Variants in ZNF626 observed in about 807,000 individuals in gnomAD.
The protein encoded by ZNF626 is CTC-513N18.7.
ZNF626 carries 4 observed loss-of-function variants against 11.7 expected under a neutral mutation model. The observed-to-expected ratio is 0.34, with a 90% CI of 0.17 to 0.78. ZNF626 has a LOEUF of 0.78. Ranked by LOEUF, ZNF626 falls within the 30% of genes least tolerant of loss-of-function variation. ZNF626 has a pLI of 0.57. For missense variants in ZNF626, 588 were observed against 587.1 expected, an observed-to-expected ratio of 1.00 and a Z score of -0.01; for synonymous variants, 179 against 198.6, an observed-to-expected ratio of 0.90 and a Z score of 0.83.
intron 3 of ZNF626, chr19:20,644,817 T>C (rs1168370288): frequency 6.6e-6 from 1 of 152,094 alleles, no homozygotes; most frequent in Non-Finnish European, 1.5e-5. Context: ...AGTATATCTA[T>C]GGTTTCATAC....
At chr19:20,657,098 G>A (rs996867677) in intron 1 of ZNF626, among the ~76,000 whole-genome samples, 16 of 152,168 alleles carry the variant, frequency 1.1e-4, no homozygotes, top group Non-Finnish European at 2.1e-4. Context: ...GGTCAGATGC[G>A]GTGGCTCATG....
At chr19:20,637,960 CA>C (rs1207563306) in intron 3 of ZNF626, among the ~76,000 whole-genome samples, 2 of 148,980 alleles carry the variant, frequency 1.3e-5, no homozygotes, top group African/African-American at 2.5e-5. Flanking sequence ...GGCAACATGG[CA>C]AAACTCTGTC....
intron 3 of ZNF626, among the ~76,000 whole-genome samples, chr19:20,630,387 C>G (rs868936286): frequency 6.7e-6 from 1 of 150,206 alleles, no homozygotes; most frequent in Non-Finnish European, 1.5e-5. Flanking sequence ...TGGTAGAATT[C>G]GGCTGTGAAT....
chr19:20,627,029 T>A (rs564415774), intron 3 of ZNF626, among the ~76,000 whole-genome samples: 87 of 114,868 alleles, frequency 7.6e-4, no homozygotes, highest in African/African-American at 2.7e-3. Flanking sequence ...AAAAACTAAC[T>A]AAATAAATAA....
intron 3 of ZNF626, among the ~76,000 whole-genome samples, chr19:20,635,832 G>T (rs1167167563): frequency 3.3e-5 from 5 of 151,994 alleles, no homozygotes; most frequent in African/African-American, 1.2e-4. Context: ...ACCTAGACAG[G>T]ATTAAAAAAA....
At chr19:20,650,998 C>T (rs1555772544) in intron 1 of ZNF626, among the ~76,000 whole-genome samples, 8 of 151,914 alleles carry the variant, frequency 5.3e-5, no homozygotes. Context: ...ACCAGACTAA[C>T]CAAGATTTTG....
intron 1 of ZNF626, among the ~76,000 whole-genome samples, chr19:20,655,539 C>T (rs782411854): frequency 2.0e-5 from 3 of 152,042 alleles, no homozygotes; most frequent in Non-Finnish European, 4.4e-5. Context: ...GAAAAAATGA[C>T]AAAACTTTTA....
At chr19:20,652,143 T>G (rs547137589) in intron 1 of ZNF626, among the ~76,000 whole-genome samples, 1 of 152,324 alleles carries the variant, frequency 6.6e-6, no homozygotes, top group South Asian at 2.1e-4. Flanking sequence ...GGTCCTTTTT[T>G]GTAAATCCCA....
intron 1 of ZNF626, among the ~76,000 whole-genome samples, chr19:20,658,759 G>T (rs150915007): frequency 5.1e-4 from 78 of 152,182 alleles, no homozygotes; most frequent in African/African-American, 1.5e-3. Context: ...ACCACCTAGA[G>T]ACAGCACAGA....
intron 3 of ZNF626, among the ~76,000 whole-genome samples, chr19:20,640,658 G>GAA (rs35302204): frequency 0.015 from 2,174 of 143,516 alleles, 41 homozygotes; most frequent in African/African-American, 0.043. Context: ...ATAGAGAAAT[G>GAA]AAAAAAAAAA....
intron 1 of ZNF626, among the ~76,000 whole-genome samples, chr19:20,659,959 A>C (rs274801): frequency 0.51 from 77,012 of 151,688 alleles, 22,484 homozygotes; most frequent in African/African-American, 0.81. Flanking sequence ...CCAGAAAAAA[A>C]TAACAGGGCC....
intron 3 of ZNF626, among the ~76,000 whole-genome samples, chr19:20,634,312 A>G (rs1969942530): frequency 6.8e-6 from 1 of 147,834 alleles, no homozygotes; most frequent in African/African-American, 2.5e-5. Flanking sequence ...ATTATTTCTA[A>G]TGAAGGTATA....
intron 1 of ZNF626, among the ~76,000 whole-genome samples, chr19:20,655,703 A>C (rs138583557): frequency 6.6e-6 from 1 of 152,002 alleles, no homozygotes; most frequent in East Asian, 1.9e-4. Context: ...CAGGTGGATC[A>C]CAAGGTCAGG....
intron 1 of ZNF626, among the ~76,000 whole-genome samples, chr19:20,656,276 C>T (rs1218712408): frequency 6.6e-6 from 1 of 152,002 alleles, no homozygotes; most frequent in Non-Finnish European, 1.5e-5. Flanking sequence ...ACACCATATA[C>T]AAAAATCAAC....
At chr19:20,639,520 T>C (rs1488745574) in intron 3 of ZNF626, among the ~76,000 whole-genome samples, 1 of 152,194 alleles carries the variant, frequency 6.6e-6, no homozygotes, top group African/African-American at 2.4e-5. Flanking sequence ...AGAGGATCCA[T>C]TGGTGCCAAA....
intron 3 of ZNF626, among the ~76,000 whole-genome samples, chr19:20,630,768 G>T (rs1468401349): frequency 6.6e-6 from 1 of 151,938 alleles, no homozygotes; most frequent in African/African-American, 2.4e-5. Context: ...GGTTTTTTGT[G>T]TCTCTATTTC....
chr19:20,629,241 G>C (rs7256022), intron 3 of ZNF626, among the ~76,000 whole-genome samples: 8,952 of 150,118 alleles, frequency 0.06, 311 homozygotes, highest in African/African-American at 0.094. Context: ...TATTCTTTTG[G>C]CTTAGGATTG....
At position 20,661,537 on chromosome 19, in the gene ZNF626, G is replaced by GTAAA. The variant is rs1970269267; in HGVS notation, c.-92_-91insTTTA. 4 of 1,489,258 alleles carry GTAAA rather than the reference G, an allele frequency of 2.7e-6. No individual in the cohort carries two copies. Among genetic ancestry groups the GTAAA allele is most frequent in the Non-Finnish European group, 3.7e-6 (4 of 1,083,742 alleles). The allele number at this position is 1,489,258 out of a possible 1,614,324, so 92.3% of individuals were successfully genotyped here. On this transcript the variant is annotated 5_prime_UTR_variant, in exon 1 of 4. Coordinates refer to ENST00000601440, the MANE Select transcript of ZNF626 (RefSeq NM_001076675.3). ...CACACAGCCTGGGCCTTTAGGAGAA[G>GTAAA]AACCAGACCTGGAGCTCTGACTGCA...
intron 3 of ZNF626, among the ~76,000 whole-genome samples, chr19:20,626,019 T>C (rs1276392227): frequency 5.3e-5 from 8 of 152,138 alleles, no homozygotes; most frequent in African/African-American, 1.7e-4. Context: ...TCCCAGCATG[T>C]TGGGAGGCTG....
Sources: allele counts gnomAD v4.1 joint callset (sites outside exome capture counted in the v4.1 genomes callset), GRCh38; gene constraint gnomAD v4.1.1; transcripts MANE v1.5; gene names NCBI Gene and HGNC (gene_info 2026-07-23, HGNC 2026-07-21).